BTBD1: variants seen among roughly 807,000 people sequenced by gnomAD.
BTBD1 encodes the protein BTB domain containing 1, also known as BTB/POZ domain-containing protein 1.
BTBD1 carries 34 observed loss-of-function variants against 48.0 expected under a neutral mutation model. The ratio of observed to expected loss-of-function variants is 0.71; its 90% CI spans 0.54 to 0.94. The LOEUF is 0.94. Among genes scored for constraint, BTBD1 ranks in the 40% least tolerant of loss-of-function variants. The probability of loss-of-function intolerance (pLI) is 0.00; values close to 1 mark genes in which losing one functional copy is unlikely to be tolerated. For synonymous variants in BTBD1, 261 were observed against 242.1 expected, an observed-to-expected ratio of 1.08 and a Z score of -0.72; for missense variants, 543 against 625.6, an observed-to-expected ratio of 0.87 and a Z score of 1.41.
chr15:83,039,090 T>C (rs1596434386), intron 4 of BTBD1, among the ~76,000 whole-genome samples: 1 of 151,664 alleles, frequency 6.6e-6, no homozygotes, highest in African/African-American at 2.4e-5. Flanking sequence ...ACCCAACAAA[T>C]GGACAACCTA....
intron 3 of BTBD1, chr15:83,044,527 T>G (rs1009252367): frequency 6.3e-7 from 1 of 1,591,396 alleles, no homozygotes; most frequent in African/African-American, 1.3e-5. Flanking sequence ...AACCTCACCA[T>G]AAAAACCGAG....
chr15:83,056,548 G>A lies in BTBD1; in HGVS notation c.402-3C>T, dbSNP rs2033085285. The A allele has an allele frequency of 6.2e-7, 1 of 1,612,376 alleles. No individual in the cohort carries two copies. The highest frequency in any genetic ancestry group is 8.5e-7 in the Non-Finnish European group (1 of 1,178,946). On this transcript the variant is annotated splice_polypyrimidine_tract_variant and splice_region_variant and intron_variant, in intron 1 of 7. Transcript: ENST00000261721. The stretch of plus-strand genomic sequence containing the variant: ...GAACTTCATCTGAATATAGAAATCT[G>A]GAAAACAATTGGCATATTTGCAGAG...
At chr15:83,031,099 C>T (rs2032506760) in intron 4 of BTBD1, among the ~76,000 whole-genome samples, 1 of 152,174 alleles carries the variant, frequency 6.6e-6, no homozygotes, top group Admixed American at 6.5e-5. Context: ...TGAGGAATCG[C>T]CACACTATCT....
intron 4 of BTBD1, among the ~76,000 whole-genome samples, chr15:83,040,953 C>T (rs527547125): frequency 6.6e-6 from 1 of 151,622 alleles, no homozygotes; most frequent in South Asian, 2.1e-4. Flanking sequence ...AGTTCAAGAC[C>T]AGCCCTGACA....
chr15:83,066,664 G>A (rs2033277881), intron 1 of BTBD1, 87 bp downstream of exon 1: 8 of 1,257,632 alleles, frequency 6.4e-6, no homozygotes, highest in Non-Finnish European at 8.0e-6. Flanking sequence ...GGTCATCCGG[G>A]AGTCCGGGTA....
At chr15:83,027,151 G>A (rs984313797) in intron 5 of BTBD1, among the ~76,000 whole-genome samples, 6 of 152,222 alleles carry the variant, frequency 3.9e-5, no homozygotes, top group South Asian at 2.1e-4. Flanking sequence ...TCAGGAGTTC[G>A]GGACCAGCCT....
At chr15:83,030,553 C>A (rs1451609128) in intron 4 of BTBD1, 5 of 461,692 alleles carry the variant, frequency 1.1e-5, no homozygotes, top group Non-Finnish European at 1.9e-5. Context: ...AAACTTAGAT[C>A]CAGGAATAAA....
chr15:83,021,738 T>C (rs1020969002), intron 5 of BTBD1, among the ~76,000 whole-genome samples: 3 of 81,906 alleles, frequency 3.7e-5, no homozygotes, highest in Non-Finnish European at 5.6e-5. Context: ...CGAGACTCCT[T>C]CTCAAATAAT....
intron 2 of BTBD1, among the ~76,000 whole-genome samples, chr15:83,053,762 T>C (rs1316928589): frequency 6.6e-6 from 1 of 152,216 alleles, no homozygotes; most frequent in Non-Finnish European, 1.5e-5. Flanking sequence ...CACCTCTCTG[T>C]GCCTCAATTT....
intron 3 of BTBD1, among the ~76,000 whole-genome samples, chr15:83,045,671 T>G (rs112231327): frequency 6.6e-6 from 1 of 152,142 alleles, no homozygotes; most frequent in Non-Finnish European, 1.5e-5. Context: ...TACACATAAT[T>G]TTTTTTAAAA....
At chr15:83,044,622 T>G in intron 3 of BTBD1, 1 of 1,566,724 alleles carries the variant, frequency 6.4e-7, no homozygotes, top group Non-Finnish European at 8.7e-7. Context: ...TCAGACTGTG[T>G]GCAGCTTTGC....
At chr15:83,045,678 A>T (rs575173366) in intron 3 of BTBD1, among the ~76,000 whole-genome samples, 8 of 152,312 alleles carry the variant, frequency 5.3e-5, no homozygotes, top group Admixed American at 1.3e-4. Context: ...AATTTTTTTT[A>T]AAAATCAAAC....
At chr15:83,045,550 T>C (rs2032861821) in intron 3 of BTBD1, among the ~76,000 whole-genome samples, 1 of 152,142 alleles carries the variant, frequency 6.6e-6, no homozygotes, top group African/African-American at 2.4e-5. Flanking sequence ...GGTCTACACA[T>C]GCTAAGAGCC....
chr15:83,038,072 G>C (rs1317027448), intron 4 of BTBD1, among the ~76,000 whole-genome samples: 1 of 151,952 alleles, frequency 6.6e-6, no homozygotes, highest in African/African-American at 2.4e-5. Flanking sequence ...CAACAAACAA[G>C]AAAACTCCAT....
intron 2 of BTBD1, 59 bp downstream of exon 2, chr15:83,056,330 T>C (rs982429530): frequency 1.7e-6 from 2 of 1,166,892 alleles, no homozygotes; most frequent in East Asian, 2.4e-5. Context: ...TAAATGCCCA[T>C]ATATAGTTTA....
At position 83,016,805 on chromosome 15, in the gene BTBD1, A is replaced by G. The variant is rs1463874155; in HGVS notation, c.*1262T>C. On this transcript the variant is annotated 3_prime_UTR_variant, in exon 8 of 8. Transcript: ENST00000261721. The stretch of plus-strand genomic sequence containing the variant: ...CACCAATATACCTACCTTCTTTACA[A>G]TATAAAGTGAAATATTACTTTAGAT... 6.6e-6 allele frequency: 1 copy of G among 152,192 alleles called. No homozygotes were observed. Among genetic ancestry groups the G allele is most frequent in the Non-Finnish European group, 1.5e-5 (1 of 68,038 alleles). 9.4% of individuals were successfully genotyped at this position (152,192 alleles called of 1,614,324 possible). A position where few individuals can be genotyped will look rare whatever the true frequency, so the allele number is the denominator to read the frequency against.
chr15:83,046,305 C>T (rs2032876531), intron 3 of BTBD1, among the ~76,000 whole-genome samples: 1 of 152,104 alleles, frequency 6.6e-6, no homozygotes, highest in Non-Finnish European at 1.5e-5. Context: ...TTAACAAGTA[C>T]ATTTGAAACA....
rs547936001 is a variant in BTBD1 at position 83,026,253 on chromosome 15, T to G, written c.1055+3883A>C. Among the ~76,000 whole-genome samples, 10 of 152,264 alleles carry G rather than the reference T, an allele frequency of 6.6e-5. 1 individual carries two copies. The South Asian group carries it at 1.9e-3, about 28-fold the overall frequency. The stretch of plus-strand genomic sequence containing the variant: ...TTATTGGTTCTAGTAGTTTTTTAGC[T>G]TGATACTGAGGTTACCTAGGTGGAC... On this transcript the variant is annotated intron_variant, in intron 5 of 7. Coordinates refer to ENST00000261721, the MANE Select transcript of BTBD1 (RefSeq NM_025238.4).
At chr15:83,047,742 G>T (rs564186189) in intron 3 of BTBD1, among the ~76,000 whole-genome samples, 1 of 152,224 alleles carries the variant, frequency 6.6e-6, no homozygotes, top group East Asian at 1.9e-4. Context: ...TACTCCCTTG[G>T]TCTGTTATAT....
Sources: gnomAD v4.1 joint callset for allele counts (sites outside exome capture counted in the v4.1 genomes callset) on GRCh38, gnomAD v4.1.1 for gene constraint, MANE v1.5 for transcripts, NCBI Gene and HGNC (gene_info 2026-07-23, HGNC 2026-07-21) for gene names.